NXPE3: variants seen among roughly 807,000 people sequenced by gnomAD.
NXPE3 encodes NXPE family member 3.
In NXPE3, 26 loss-of-function variants were observed where a neutral mutation model predicts 46.1. The ratio of observed to expected loss-of-function variants is 0.56; its 90% CI spans 0.41 to 0.78. The LOEUF is 0.78. Ranked by LOEUF, NXPE3 falls within the 30% of genes least tolerant of loss-of-function variation. The pLI, the probability that NXPE3 is intolerant of heterozygous loss-of-function variation, is 0.00. For synonymous variants in NXPE3, 272 were observed against 257.9 expected (o/e 1.05, Z -0.52); for missense variants, 620 against 686.0 (o/e 0.90, Z 1.07).
At chr3:101,807,368 G>A (rs1037423267) in intron 6 of NXPE3, among the ~76,000 whole-genome samples, 1 of 152,036 alleles carries the variant, frequency 6.6e-6, no homozygotes, top group African/African-American at 2.4e-5. Context: ...TACCTAGGCT[G>A]GAGTGCAGTG....
intron 6 of NXPE3, among the ~76,000 whole-genome samples, chr3:101,808,831 A>ATG (rs1941560780): frequency 9.5e-6 from 1 of 105,324 alleles, no homozygotes; most frequent in African/African-American, 4.0e-5. Flanking sequence ...ATATATATAT[A>ATG]TATATATATA....
intron 4 of NXPE3, among the ~76,000 whole-genome samples, chr3:101,799,509 C>G (rs1241122730): frequency 6.6e-6 from 1 of 152,072 alleles, no homozygotes; most frequent in Non-Finnish European, 1.5e-5. Flanking sequence ...TCACTGCAAC[C>G]TCTGCCTCCT....
chr3:101,803,323 G>A (rs1941256449), intron 5 of NXPE3, among the ~76,000 whole-genome samples: 1 of 152,128 alleles, frequency 6.6e-6, no homozygotes, highest in Non-Finnish European at 1.5e-5. Flanking sequence ...ACCAGATTAT[G>A]TACATATGTA....
At chr3:101,818,718 TATATA>T (rs1942081086) in intron 7 of NXPE3, among the ~76,000 whole-genome samples, 1 of 12,108 alleles carries the variant, frequency 8.3e-5, no homozygotes, top group Non-Finnish European at 1.4e-4. Context: ...TGACAATTTA[TATATA>T]TATATATATA....
chr3:101,823,256 T>C lies in NXPE3; in HGVS notation c.*1302T>C, dbSNP rs1942337332. ...CAATATATACCCTTAGAAGAATGGG[T>C]CAAATAATTTGGGTTTTTAATTTAA... is the stretch of plus-strand genomic sequence containing the variant. On this transcript the variant is annotated 3_prime_UTR_variant, in exon 8 of 8. Coordinates refer to ENST00000273347, the MANE Select transcript of NXPE3 (RefSeq NM_145037.4). The C allele has an allele frequency of 6.6e-6, 1 of 152,034 alleles. No individual in the cohort carries two copies. Among genetic ancestry groups the C allele is most frequent in the African/African-American group, 2.4e-5 (1 of 41,360 alleles). 9.4% of individuals were successfully genotyped at this position (152,034 alleles called of 1,614,324 possible).
intron 4 of NXPE3, among the ~76,000 whole-genome samples, chr3:101,793,541 C>G (rs1256519001): frequency 7.4e-6 from 1 of 135,654 alleles, no homozygotes; most frequent in African/African-American, 2.7e-5. Flanking sequence ...TACCATTTTG[C>G]TGTTTGTTTT....
chr3:101,822,212 CA>C lies in NXPE3; in HGVS notation c.*261del. On this transcript the variant is annotated 3_prime_UTR_variant, in exon 8 of 8. Coordinates refer to ENST00000273347, the MANE Select transcript of NXPE3 (RefSeq NM_145037.4). ...CTACACACTATATTGCTCTTGTAAC[CA>C]AAGATGCTAATGAGTGTATTTGAAT... The C allele has an allele frequency of 2.4e-6, 1 of 421,424 alleles. No individual in the cohort carries two copies. Among genetic ancestry groups the C allele is most frequent in the African/African-American group, 2.0e-5 (1 of 51,194 alleles). The allele number at this position is 421,424 out of a possible 1,614,324, so 26.1% of individuals were successfully genotyped here. A position where few individuals can be genotyped will look rare whatever the true frequency, so the allele number is the denominator to read the frequency against.
chr3:101,825,934 A>G lies in NXPE3; in HGVS notation c.*3980A>G, dbSNP rs1036984433. 1.3e-5 allele frequency: 2 copies of G among 152,236 alleles called. No homozygotes were observed. The highest frequency in any genetic ancestry group is 4.8e-5 in the African/African-American group (2 of 41,460). 9.4% of individuals were successfully genotyped at this position (152,236 alleles called of 1,614,324 possible). A position where few individuals can be genotyped will look rare whatever the true frequency, so the allele number is the denominator to read the frequency against. ...AGCCTTTCTATGCAAGTTACATTTTATAGAATTATCCTACTAAAAGTAACC... is the reference window on the plus strand; with the variant it reads ...AGCCTTTCTATGCAAGTTACATTTTGTAGAATTATCCTACTAAAAGTAACC... On this transcript the variant is annotated 3_prime_UTR_variant, in exon 8 of 8. Coordinates refer to ENST00000273347, the MANE Select transcript of NXPE3 (RefSeq NM_145037.4).
chr3:101,787,160 A>C (rs1940235723), intron 4 of NXPE3, among the ~76,000 whole-genome samples: 1 of 151,902 alleles, frequency 6.6e-6, no homozygotes, highest in Non-Finnish European at 1.5e-5. Flanking sequence ...CAAAAAAAAA[A>C]ACACAACAAA....
chr3:101,814,018 C>T (rs940737952), intron 6 of NXPE3, among the ~76,000 whole-genome samples: 9 of 152,160 alleles, frequency 5.9e-5, no homozygotes, highest in Non-Finnish European at 1.0e-4. Flanking sequence ...AATTGATTTG[C>T]TTTCCTTAGC....
In NXPE3 at chr3:101,822,004, G is replaced by C. The variant is rs950303688; in HGVS notation, c.*50G>C. On this transcript the variant is annotated 3_prime_UTR_variant, in exon 8 of 8. Transcript: ENST00000273347. ...ATCATATTCAATGACCTTCTCAATT[G>C]ACCTGAGTTACAGAAAGTGGCCCCA... 3 of 1,547,840 alleles carry C rather than the reference G, an allele frequency of 1.9e-6. No individual in the cohort carries two copies. Among genetic ancestry groups the C allele is most frequent in the South Asian group, 1.2e-5 (1 of 84,498 alleles).
Position 101,785,673 on chromosome 3 carries a change from A to G in NXPE3, c.77A>G (p.Asn26Ser), listed in dbSNP as rs150533214. The change falls in exon 4 of 8, where the codon AAT (asparagine) becomes AGT (serine). Residue 26 changes from asparagine to serine, a missense_variant. Asn to Ser is a conservative substitution (Grantham distance 46). Around this residue, in one of 3 missense-constraint regions of NXPE3, gnomAD observed 511 missense variants for 528.6 expected, o/e 0.97. Coordinates refer to ENST00000273347, the MANE Select transcript of NXPE3 (RefSeq NM_145037.4). ...TTGATGGTGGTGGTGCTGGTCATCA[A>G]TGTTACTCAGGTAGAGGTGAGTACC... ...AVLMVVVLVI[N>S]VTQVEYLDHE... The G allele has an allele frequency of 9.4e-5, 151 of 1,612,988 alleles. 2 individuals are homozygous for G. The highest frequency in any genetic ancestry group is 1.1e-4 in the African/African-American group (8 of 74,534).
chr3:101,779,215 A>G lies in NXPE3; in HGVS notation c.-607A>G, dbSNP rs538605551. On this transcript the variant is annotated 5_prime_UTR_variant, in exon 1 of 8. Coordinates refer to ENST00000273347, the MANE Select transcript of NXPE3 (RefSeq NM_145037.4). ...TCGTAGCCGGGGGTCGGAGGTGAGG[A>G]GACGTCGCCGGGTGAGGAAGCGGGG... The G allele has an allele frequency of 6.6e-6, 1 of 152,282 alleles. No homozygotes were observed. Among genetic ancestry groups the G allele is most frequent in the African/African-American group, 2.4e-5 (1 of 41,534 alleles). The allele number at this position is 152,282 out of a possible 1,614,324, so 9.4% of individuals were successfully genotyped here. A position where few individuals can be genotyped will look rare whatever the true frequency, so the allele number is the denominator to read the frequency against.
chr3:101,788,776 C>G (rs936278048), intron 4 of NXPE3, among the ~76,000 whole-genome samples: 1 of 151,874 alleles, frequency 6.6e-6, no homozygotes, highest in African/African-American at 2.4e-5. Flanking sequence ...CCACCATGCC[C>G]AGCTAATTTT....
intron 4 of NXPE3, among the ~76,000 whole-genome samples, chr3:101,791,526 C>T (rs563197242): frequency 1.3e-5 from 2 of 152,314 alleles, no homozygotes; most frequent in Admixed American, 6.5e-5. Flanking sequence ...ACTGCGATTA[C>T]AGATGTCCAC....
intron 4 of NXPE3, among the ~76,000 whole-genome samples, chr3:101,790,843 G>T (rs1940473529): frequency 6.6e-6 from 1 of 152,188 alleles, no homozygotes; most frequent in African/African-American, 2.4e-5. Context: ...TGATCCAGCT[G>T]CCTTGGCCTT....
In NXPE3 at chr3:101,823,426, C is replaced by T. The variant is rs554780393; in HGVS notation, c.*1472C>T. 1 of 152,058 alleles carries T rather than the reference C, an allele frequency of 6.6e-6. No homozygotes were observed. The highest frequency in any genetic ancestry group is 2.4e-5 in the African/African-American group (1 of 41,372). 9.4% of individuals were successfully genotyped at this position (152,058 alleles called of 1,614,324 possible). Reference sequence around the variant, plus strand: ...ATTAAAATAGTTTAATTTTAATGGTCCTTACGCTTTACAGTACCTAAGGAT... The same window carrying T: ...ATTAAAATAGTTTAATTTTAATGGTTCTTACGCTTTACAGTACCTAAGGAT... On this transcript the variant is annotated 3_prime_UTR_variant, in exon 8 of 8. Coordinates refer to ENST00000273347, the MANE Select transcript of NXPE3 (RefSeq NM_145037.4).
intron 1 of NXPE3, chr3:101,779,795 C>G (rs1011881094): frequency 6.6e-6 from 1 of 152,586 alleles, no homozygotes; most frequent in Non-Finnish European, 1.5e-5. Context: ...TCATATCTCT[C>G]GGCTCATCGC....
At chr3:101,797,144 G>A (rs559476237) in intron 4 of NXPE3, among the ~76,000 whole-genome samples, 1 of 152,258 alleles carries the variant, frequency 6.6e-6, no homozygotes, top group African/African-American at 2.4e-5. Context: ...ATGGAGAATG[G>A]TATTAAGTAC....
Sources: allele counts gnomAD v4.1 joint callset (sites outside exome capture counted in the v4.1 genomes callset), GRCh38; gene constraint gnomAD v4.1.1; regional missense constraint gnomAD v4.1.1; transcripts MANE v1.5; gene names NCBI Gene and HGNC (gene_info 2026-07-23, HGNC 2026-07-21).